Variants in KDM4B observed in about 807,000 individuals in gnomAD.
KDM4B encodes the protein lysine-specific demethylase 4B.
Under a neutral mutation model 125.2 loss-of-function variants are expected in KDM4B, and 32 were observed. The ratio of observed to expected loss-of-function variants is 0.26; its 90% confidence interval spans 0.19 to 0.34. KDM4B has a LOEUF of 0.34. Ranked by LOEUF, KDM4B falls within the 10% of genes least tolerant of loss-of-function variation. The pLI is 1.00. For missense variants in KDM4B, 1,190 were observed against 1,577.7 expected (o/e 0.75, Z 4.16); for synonymous variants, 721 against 677.9 (o/e 1.06, Z -0.99).
In KDM4B at chr19:5,144,277, C is replaced by G; in HGVS notation, c.2766C>G (p.Gly922=). ...AACTCCTGAGGGCCGTGTCCCTAGG[C>G]CAGGTGGTCATCACCAAGAACCGCA... ...AVQLLRAVSL[G]QVVITKNRNG... is the part of the protein sequence containing the mutation. Residue 922 remains glycine (G), a synonymous_variant, in exon 20 of 23, where the codon GGC becomes GGG. Transcript: ENST00000159111. 1 of 1,597,522 alleles carries G rather than the reference C, an allele frequency of 6.3e-7. No individual in the cohort carries two copies. Among genetic ancestry groups the G allele is most frequent in the Non-Finnish European group, 8.5e-7 (1 of 1,172,610 alleles).
intron 6 of KDM4B, among the ~76,000 whole-genome samples, chr19:5,068,339 G>A (rs1394843901): frequency 6.6e-6 from 1 of 152,194 alleles, no homozygotes; most frequent in Admixed American, 6.5e-5. Flanking sequence ...CACCAGTGCC[G>A]TCGCAACCCC....
chr19:5,013,237 G>A (rs961282176), intron 1 of KDM4B, among the ~76,000 whole-genome samples: 1 of 152,224 alleles, frequency 6.6e-6, no homozygotes, highest in Non-Finnish European at 1.5e-5. Flanking sequence ...CCGTCGTGCA[G>A]CGGGGGAGAG....
intron 3 of KDM4B, among the ~76,000 whole-genome samples, chr19:5,036,719 G>A (rs56249413): frequency 0.2 from 30,222 of 152,326 alleles, 3,531 homozygotes; most frequent in Non-Finnish European, 0.27. Flanking sequence ...GAAGACCCGA[G>A]TGTGGCAGTA....
intron 4 of KDM4B, among the ~76,000 whole-genome samples, chr19:5,040,416 T>G (rs933662182): frequency 2.0e-5 from 3 of 151,898 alleles, no homozygotes; most frequent in Non-Finnish European, 2.9e-5. Flanking sequence ...GTAACACACA[T>G]GGGTACACAG....
intron 9 of KDM4B, among the ~76,000 whole-genome samples, chr19:5,108,751 C>T (rs1330594925): frequency 6.6e-6 from 1 of 152,132 alleles, no homozygotes; most frequent in Admixed American, 6.5e-5. Context: ...TTCTTCTGTG[C>T]CTGTTTGATG....
intron 2 of KDM4B, among the ~76,000 whole-genome samples, chr19:5,024,531 C>T (rs1335411290): frequency 1.3e-5 from 2 of 151,964 alleles, no homozygotes; most frequent in Non-Finnish European, 2.9e-5. Flanking sequence ...CCAGGACAGC[C>T]GGGGTGGGGC....
At position 5,084,151 on chromosome 19, in the gene KDM4B, G is replaced by A. The variant is rs191627921; in HGVS notation, c.918+1647G>A. 1.6e-3 allele frequency among the ~76,000 whole-genome samples: 240 copies of A among 151,890 alleles called. 3 individuals carry two copies. The highest frequency in any genetic ancestry group is 5.6e-3 in the African/African-American group (231 of 41,394). On this transcript the variant is annotated intron_variant, in intron 9 of 22. Coordinates refer to ENST00000159111, the MANE Select transcript of KDM4B (RefSeq NM_015015.3). ...AATCCCAGCTACTTGGGAGACTGAG[G>A]CAGGAGAATCACTTGAACCCGGGAG...
At position 5,141,657 on chromosome 19, in the gene KDM4B, C is replaced by G. The variant is rs539888008; in HGVS notation, c.2551-2310C>G. ...ATCCGTCAGTTTGTCTCCAGGACTT[C>G]TCCAGCCACCGGCTCAGGGCTCCAG... On this transcript the variant is annotated intron_variant, in intron 18 of 22. Transcript: ENST00000159111. The surrounding 1 kb of genome is among the most constrained non-coding windows in gnomAD (Gnocchi z 6.4). Among the ~76,000 whole-genome samples, 1 of 152,332 alleles carries G rather than the reference C, an allele frequency of 6.6e-6. No homozygotes were observed. Among genetic ancestry groups the G allele is most frequent in the East Asian group, 1.9e-4 (1 of 5,174 alleles).
At chr19:5,043,993 C>T (rs1448531681) in intron 5 of KDM4B, among the ~76,000 whole-genome samples, 6 of 120,322 alleles carry the variant, frequency 5.0e-5, no homozygotes, top group African/African-American at 1.7e-4. Flanking sequence ...CACCTTATCC[C>T]GCGTGGTGTT....
chr19:5,013,600 C>G (rs1052796614), intron 1 of KDM4B, among the ~76,000 whole-genome samples: 1 of 152,164 alleles, frequency 6.6e-6, no homozygotes, highest in East Asian at 1.9e-4. Context: ...CCGCATCCCT[C>G]GGCTTGGGGC....
intron 1 of KDM4B, among the ~76,000 whole-genome samples, chr19:4,982,106 C>T (rs545650396): frequency 1.1e-4 from 17 of 151,986 alleles, no homozygotes; most frequent in African/African-American, 4.1e-4. Flanking sequence ...GCCTGGCCAA[C>T]ATGGCAAAAC....
intron 3 of KDM4B, among the ~76,000 whole-genome samples, chr19:5,037,321 C>G (rs944772614): frequency 1.3e-5 from 2 of 152,204 alleles, no homozygotes; most frequent in African/African-American, 4.8e-5. Context: ...GACCATACCA[C>G]TCAGTTCTCT....
At chr19:5,092,675 G>A (rs904034772) in intron 9 of KDM4B, among the ~76,000 whole-genome samples, 31 of 152,164 alleles carry the variant, frequency 2.0e-4, no homozygotes, top group Non-Finnish European at 3.8e-4. Flanking sequence ...CTGCTTACGG[G>A]GTCAGGCAGA....
rs112653721 is a variant in KDM4B at position 5,005,616 on chromosome 19, CAAG to C, written c.-108-10640_-108-10638del. ...CCTTCCTTTATTTGCATGTGGATAT[CAAG>C]CAGTTGTCCCAGCACTGTTTGTTGA... is the stretch of plus-strand genomic sequence containing the variant. On this transcript the variant is annotated intron_variant, in intron 1 of 22. Transcript: ENST00000159111. Among the ~76,000 whole-genome samples, 615 of 152,272 alleles carry C rather than the reference CAAG, an allele frequency of 4.0e-3. 7 individuals are homozygous for C. The highest frequency in any genetic ancestry group is 0.014 in the African/African-American group (585 of 41,540).
chr19:5,037,194 C>T lies in KDM4B; in HGVS notation c.142-2642C>T, dbSNP rs529357579. ...GCTTCCCCTCGGCCAGCGGCTTTGGCGTGGATTTGGAGCCGGGCCAGGTTC... is the reference window on the plus strand; with the variant it reads ...GCTTCCCCTCGGCCAGCGGCTTTGGTGTGGATTTGGAGCCGGGCCAGGTTC... On this transcript the variant is annotated intron_variant, in intron 3 of 22. Transcript: ENST00000159111. Among the ~76,000 whole-genome samples, 8 of 152,276 alleles carry T rather than the reference C, an allele frequency of 5.3e-5. No homozygotes were observed. In the East Asian group the frequency reaches 7.7e-4, roughly 15 times the overall value.
At chr19:5,063,975 C>T (rs2037686355) in intron 6 of KDM4B, among the ~76,000 whole-genome samples, 1 of 152,212 alleles carries the variant, frequency 6.6e-6, no homozygotes, top group South Asian at 2.1e-4. Flanking sequence ...CAGCAGCTCT[C>T]TGTTGGGTCT....
At chr19:5,044,785 C>G (rs1322466657) in intron 5 of KDM4B, among the ~76,000 whole-genome samples, 1 of 152,104 alleles carries the variant, frequency 6.6e-6, no homozygotes. Flanking sequence ...CCCCAGGCAA[C>G]CACTGATGTC....
chr19:4,983,102 G>A (rs1180910350), intron 1 of KDM4B, among the ~76,000 whole-genome samples: 1 of 150,066 alleles, frequency 6.7e-6, no homozygotes, highest in African/African-American at 2.5e-5. Flanking sequence ...CTTCAAAACT[G>A]TTGGTGAGAT....
chr19:5,049,344 TCTAC>T (rs1018134123), intron 6 of KDM4B, among the ~76,000 whole-genome samples: 20 of 152,032 alleles, frequency 1.3e-4, no homozygotes, highest in African/African-American at 4.6e-4. Flanking sequence ...CACTCCCATG[TCTAC>T]CCTTCCCCAT....
Sources: allele counts gnomAD v4.1 joint callset (sites outside exome capture counted in the v4.1 genomes callset), GRCh38; gene constraint gnomAD v4.1.1; non-coding constraint Gnocchi (gnomAD v3.1); transcripts MANE v1.5; gene names NCBI Gene and HGNC (gene_info 2026-07-23, HGNC 2026-07-21).